The following ZRANB3 variants were observed in gnomAD, a reference collection of about 807,000 sequenced individuals.
The protein encoded by ZRANB3 is DNA annealing helicase and endonuclease ZRANB3.
A neutral mutation model predicts 133.8 loss-of-function variants in ZRANB3; 125 were observed. The observed-to-expected ratio is 0.93, with a 90% CI of 0.81 to 1.08. The LOEUF (loss-of-function observed/expected upper bound fraction) is 1.08. ZRANB3 is among the 50% of genes least tolerant of loss of function. The pLI, the probability that ZRANB3 is intolerant of heterozygous loss-of-function variation, is 0.00. For missense variants in ZRANB3, 1,229 were observed against 1,275.5 expected (o/e 0.96, Z 0.56); for synonymous variants, 387 against 432.7 (o/e 0.89, Z 1.31).
chr2:135,479,688 A>G (rs1691674441), intron 2 of ZRANB3, among the ~76,000 whole-genome samples: 1 of 152,026 alleles, frequency 6.6e-6, no homozygotes, highest in Non-Finnish European at 1.5e-5. Flanking sequence ...AAGGACACCT[A>G]TTGATACACG....
chr2:135,417,494 C>T (rs982700979), intron 2 of ZRANB3, among the ~76,000 whole-genome samples: 14 of 152,244 alleles, frequency 9.2e-5, no homozygotes, highest in African/African-American at 3.4e-4. Flanking sequence ...GAAATAGGAA[C>T]ACTTTTACAC....
At chr2:135,272,433 G>C (rs1022503794) in intron 9 of ZRANB3, among the ~76,000 whole-genome samples, 1 of 25,468 alleles carries the variant, frequency 3.9e-5, no homozygotes, top group African/African-American at 3.0e-4. Context: ...TTTTTTTTTT[G>C]TGACGGAGTC....
chr2:135,253,800 C>T (rs1679518129), intron 12 of ZRANB3, among the ~76,000 whole-genome samples: 1 of 152,124 alleles, frequency 6.6e-6, no homozygotes, highest in African/African-American at 2.4e-5. Flanking sequence ...CGTAGTTGAC[C>T]AAAACATTAT....
chr2:135,490,105 C>T (rs937165626), intron 2 of ZRANB3, among the ~76,000 whole-genome samples: 1 of 152,116 alleles, frequency 6.6e-6, no homozygotes, highest in South Asian at 2.1e-4. Context: ...TCCAGTGAGT[C>T]CTCAGACTAG....
intron 2 of ZRANB3, among the ~76,000 whole-genome samples, chr2:135,401,798 A>G (rs1687743672): frequency 6.6e-6 from 1 of 152,200 alleles, no homozygotes. Context: ...AAAATAGTCC[A>G]ATATATTTTA....
intron 12 of ZRANB3, among the ~76,000 whole-genome samples, chr2:135,231,794 A>C (rs532537536): frequency 4.6e-5 from 7 of 152,100 alleles, no homozygotes; most frequent in East Asian, 3.9e-4. Context: ...TCAAAAAAAA[A>C]ACACACACAA....
At chr2:135,232,788 A>G (rs2105071186) in intron 12 of ZRANB3, among the ~76,000 whole-genome samples, 1 of 152,352 alleles carries the variant, frequency 6.6e-6, no homozygotes, top group African/African-American at 2.4e-5. Flanking sequence ...CCAAAACCCC[A>G]TCTATACATC....
intron 6 of ZRANB3, among the ~76,000 whole-genome samples, chr2:135,326,326 G>C (rs886575375): frequency 1.3e-5 from 2 of 152,104 alleles, no homozygotes; most frequent in African/African-American, 2.4e-5. Flanking sequence ...GTGGTGATTT[G>C]TGAAATTTTG....
chr2:135,494,460 C>A (rs1399382930), intron 2 of ZRANB3, among the ~76,000 whole-genome samples: 2 of 151,996 alleles, frequency 1.3e-5, no homozygotes, highest in African/African-American at 2.4e-5. Flanking sequence ...TTACAGCCAT[C>A]ATGACAAAAT....
chr2:135,431,416 A>G (rs979830617), intron 2 of ZRANB3, among the ~76,000 whole-genome samples: 5 of 151,706 alleles, frequency 3.3e-5, no homozygotes, highest in Admixed American at 1.3e-4. Flanking sequence ...TTATATATGT[A>G]TCTTTGTGAT....
chr2:135,388,123 A>C (rs1687063526), intron 3 of ZRANB3, among the ~76,000 whole-genome samples: 1 of 152,222 alleles, frequency 6.6e-6, no homozygotes, highest in South Asian at 2.1e-4. Flanking sequence ...GAGTAAGGTC[A>C]CATCTTTTAC....
At chr2:135,497,781 G>A (rs1422492017) in intron 2 of ZRANB3, among the ~76,000 whole-genome samples, 5 of 152,206 alleles carry the variant, frequency 3.3e-5, no homozygotes, top group African/African-American at 7.2e-5. Context: ...GGCTGAGCGC[G>A]GTGGCTCACA....
intron 12 of ZRANB3, among the ~76,000 whole-genome samples, chr2:135,254,449 A>AG (rs141900342): frequency 8.9e-6 from 1 of 112,036 alleles, no homozygotes; most frequent in Non-Finnish European, 1.8e-5. Context: ...ATAGTCTTTT[A>AG]AAAAAAAAAC....
Position 135,460,879 on chromosome 2 carries a change from C to T in ZRANB3, c.161+43450G>A, listed in dbSNP as rs549275000. Among the ~76,000 whole-genome samples the T allele has an allele frequency of 3.9e-5, 6 of 152,126 alleles. No individual in the cohort carries two copies. The South Asian group carries it at 1.0e-3, about 26-fold the overall frequency. On this transcript the variant is annotated intron_variant, in intron 2 of 20. Coordinates refer to ENST00000264159, the MANE Select transcript of ZRANB3 (RefSeq NM_032143.4). ...TAATACAAACTATAATCTTATAGAGCTGTGCTGTTCAATATGGTAGCCACT... is the reference window on the plus strand; with the variant it reads ...TAATACAAACTATAATCTTATAGAGTTGTGCTGTTCAATATGGTAGCCACT...
intron 2 of ZRANB3, among the ~76,000 whole-genome samples, chr2:135,411,737 A>G (rs1688311696): frequency 1.3e-5 from 2 of 152,146 alleles, no homozygotes; most frequent in South Asian, 4.1e-4. Flanking sequence ...TACACATAAA[A>G]ATGAACAATG....
chr2:135,406,594 C>A (rs956350706), intron 2 of ZRANB3, among the ~76,000 whole-genome samples: 2 of 152,136 alleles, frequency 1.3e-5, no homozygotes, highest in Non-Finnish European at 2.9e-5. Context: ...CAAACCGAAT[C>A]CAGCAGCACA....
At chr2:135,295,973 G>T (rs1238352165) in intron 8 of ZRANB3, among the ~76,000 whole-genome samples, 2 of 152,200 alleles carry the variant, frequency 1.3e-5, no homozygotes, top group South Asian at 4.1e-4. Flanking sequence ...GCTTCCCTTT[G>T]TGAGTAACCC....
chr2:135,204,007 T>C (rs1366504504), intron 19 of ZRANB3, among the ~76,000 whole-genome samples: 1 of 152,146 alleles, frequency 6.6e-6, no homozygotes, highest in East Asian at 1.9e-4. Context: ...CAAAGATGAG[T>C]ATGGCACTTG....
At chr2:135,210,113 G>C (rs1390548002) in intron 17 of ZRANB3, among the ~76,000 whole-genome samples, 1 of 151,922 alleles carries the variant, frequency 6.6e-6, no homozygotes, top group East Asian at 1.9e-4. Flanking sequence ...ATGATCTTGA[G>C]TCATTTTATT....
Sources: gnomAD v4.1 joint callset for allele counts (sites outside exome capture counted in the v4.1 genomes callset) on GRCh38, gnomAD v4.1.1 for gene constraint, MANE v1.5 for transcripts, NCBI Gene and HGNC (gene_info 2026-07-23, HGNC 2026-07-21) for gene names.